SOBP: variants seen among roughly 807,000 people sequenced by gnomAD.
SOBP encodes the protein sine oculis-binding protein homolog.
In SOBP, 4 loss-of-function variants were observed where a neutral mutation model predicts 53.6. That is an observed-to-expected ratio of 0.07 (90% CI 0.04 to 0.17). SOBP has a LOEUF of 0.17. SOBP is among the 10% of genes least tolerant of loss of function. SOBP has a pLI of 1.00. For missense variants in SOBP, 1,088 were observed against 1,204.7 expected (o/e 0.90, Z 1.43); for synonymous variants, 584 against 522.6 (o/e 1.12, Z -1.60).
At chr6:107,570,685 C>T (rs1476482362) in intron 4 of SOBP, among the ~76,000 whole-genome samples, 1 of 152,212 alleles carries the variant, frequency 6.6e-6, no homozygotes, top group Non-Finnish European at 1.5e-5. Flanking sequence ...AGCCACCAGT[C>T]TGGGAGGTAG....
Position 107,604,551 on chromosome 6 carries a change from C to T in SOBP, c.669+17376C>T, listed in dbSNP as rs371664598. ...TACACCCTCTATCCCACCTCTACCCCTACCCCACCTCTACCCACATCCCAT... is the reference window on the plus strand; with the variant it reads ...TACACCCTCTATCCCACCTCTACCCTTACCCCACCTCTACCCACATCCCAT... On this transcript the variant is annotated intron_variant, in intron 5 of 6. Transcript: ENST00000317357. Among the ~76,000 whole-genome samples, 24 of 151,872 alleles carry T rather than the reference C, an allele frequency of 1.6e-4. No individual in the cohort carries two copies. The East Asian group carries it at 4.1e-3, about 26-fold the overall frequency.
intron 4 of SOBP, among the ~76,000 whole-genome samples, chr6:107,574,786 C>G (rs1583227721): frequency 6.6e-6 from 1 of 152,180 alleles, no homozygotes; most frequent in East Asian, 1.9e-4. Flanking sequence ...TCTGCTCAGC[C>G]TTTGGCCGTG....
chr6:107,505,208 A>G (rs1167425687), intron 2 of SOBP, among the ~76,000 whole-genome samples: 1 of 152,200 alleles, frequency 6.6e-6, no homozygotes, highest in Non-Finnish European at 1.5e-5. Context: ...AGTGGGACCT[A>G]GTTACAATGC....
At position 107,610,886 on chromosome 6, in the gene SOBP, T is replaced by C. The variant is rs183551618; in HGVS notation, c.670-22628T>C. 3.9e-5 allele frequency among the ~76,000 whole-genome samples: 6 copies of C among 152,336 alleles called. No individual in the cohort carries two copies. The East Asian group carries it at 7.7e-4, about 20-fold the overall frequency. On this transcript the variant is annotated intron_variant, in intron 5 of 6. Coordinates refer to ENST00000317357, the MANE Select transcript of SOBP (RefSeq NM_018013.4). ...CTTGCCTTGAGAAGAGTTGAACATT[T>C]GTTCCACTGGTAATTTTTAAATAAA...
At chr6:107,649,328 GA>G (rs1279219589) in intron 6 of SOBP, among the ~76,000 whole-genome samples, 1 of 151,744 alleles carries the variant, frequency 6.6e-6, no homozygotes. Flanking sequence ...CAAAAAATCA[GA>G]AAAAAATTAG....
chr6:107,563,900 G>A (rs1375974476), intron 4 of SOBP, among the ~76,000 whole-genome samples: 3 of 152,164 alleles, frequency 2.0e-5, no homozygotes, highest in Non-Finnish European at 2.9e-5. Context: ...CCAGCTGGCC[G>A]TGGCAGCCCT....
intron 5 of SOBP, among the ~76,000 whole-genome samples, chr6:107,611,311 G>T (rs909026882): frequency 2.0e-5 from 3 of 152,146 alleles, no homozygotes; most frequent in Non-Finnish European, 4.4e-5. Context: ...CCAAAGAACA[G>T]TAATCTTTCA....
At chr6:107,631,356 TATGG>T (rs1339528554) in intron 5 of SOBP, among the ~76,000 whole-genome samples, 1 of 152,366 alleles carries the variant, frequency 6.6e-6, no homozygotes, top group East Asian at 1.9e-4. Flanking sequence ...GCAGGCTTTC[TATGG>T]ATGCCTAATA....
chr6:107,574,739 G>A (rs1305260843), intron 4 of SOBP, among the ~76,000 whole-genome samples: 1 of 152,126 alleles, frequency 6.6e-6, no homozygotes, highest in African/African-American at 2.4e-5. Context: ...CACATGGAGA[G>A]TCCACCCTGC....
intron 6 of SOBP, among the ~76,000 whole-genome samples, chr6:107,648,155 TTC>T (rs1771640014): frequency 6.6e-6 from 1 of 152,224 alleles, no homozygotes; most frequent in Non-Finnish European, 1.5e-5. Flanking sequence ...AGCTGCTTTT[TTC>T]TCTGTATTCT....
intron 2 of SOBP, among the ~76,000 whole-genome samples, chr6:107,505,309 C>T (rs769273142): frequency 2.6e-5 from 4 of 151,910 alleles, no homozygotes; most frequent in Non-Finnish European, 5.9e-5. Context: ...TTAATTGCCT[C>T]TCAATTTTCT....
At chr6:107,577,379 G>A (rs1241428631) in intron 4 of SOBP, among the ~76,000 whole-genome samples, 1 of 152,342 alleles carries the variant, frequency 6.6e-6, no homozygotes, top group African/African-American at 2.4e-5. Flanking sequence ...CTGGCTTTTG[G>A]TGCTCCACCC....
chr6:107,593,516 G>A (rs1173694980), intron 5 of SOBP, among the ~76,000 whole-genome samples: 2 of 152,214 alleles, frequency 1.3e-5, no homozygotes, highest in Non-Finnish European at 2.9e-5. Context: ...GTGGTCTGGT[G>A]GATAAGAGTG....
At chr6:107,652,755 G>A (rs1583314841) in intron 6 of SOBP, among the ~76,000 whole-genome samples, 1 of 151,952 alleles carries the variant, frequency 6.6e-6, no homozygotes, top group Non-Finnish European at 1.5e-5. Context: ...CCAGCCTTTG[G>A]CAACCACCAC....
At chr6:107,599,910 A>G (rs1786113918) in intron 5 of SOBP, among the ~76,000 whole-genome samples, 1 of 152,222 alleles carries the variant, frequency 6.6e-6, no homozygotes, top group South Asian at 2.1e-4. Context: ...AATCCACAAG[A>G]ATGTGGGCAA....
rs1784245855 is a variant in SOBP, at chr6:107,544,704, C to T, written c.573+11094C>T. 2.6e-5 allele frequency among the ~76,000 whole-genome samples: 4 copies of T among 152,318 alleles called. No homozygotes were observed. In the South Asian group the frequency reaches 8.3e-4, roughly 32 times the overall value. ...TGATATGCGCTTTCTTTGCTAATTT[C>T]ATGTTCTTTATGAAGGAATGGCGCT... On this transcript the variant is annotated intron_variant, in intron 4 of 6. Transcript: ENST00000317357.
chr6:107,591,976 T>G (rs1271040662), intron 5 of SOBP, among the ~76,000 whole-genome samples: 1 of 91,238 alleles, frequency 1.1e-5, no homozygotes, highest in Non-Finnish European at 2.3e-5. Context: ...GTGTTTTTTT[T>G]TTTTTTTTTT....
intron 3 of SOBP, chr6:107,529,622 A>G: frequency 1.0e-6 from 1 of 985,382 alleles, no homozygotes; most frequent in South Asian, 4.7e-5. Flanking sequence ...GTAAGTTAGT[A>G]TACATGTTTA....
chr6:107,507,507 T>C (rs900098385), intron 3 of SOBP, among the ~76,000 whole-genome samples: 3 of 152,122 alleles, frequency 2.0e-5, no homozygotes, highest in African/African-American at 7.2e-5. Context: ...GGTTTCACCA[T>C]GTTGCCCAGG....
Sources: allele counts gnomAD v4.1 joint callset (sites outside exome capture counted in the v4.1 genomes callset), GRCh38; gene constraint gnomAD v4.1.1; transcripts MANE v1.5; gene names NCBI Gene and HGNC (gene_info 2026-07-23, HGNC 2026-07-21).